SPAG16: variants seen among roughly 807,000 people sequenced by gnomAD.
SPAG16 encodes the protein sperm associated antigen 16.
In SPAG16, 86 loss-of-function variants were observed where a neutral mutation model predicts 80.4. The observed-to-expected ratio is 1.07, with a 90% CI of 0.90 to 1.28. SPAG16 has a LOEUF of 1.28. Ranked by LOEUF, SPAG16 falls within the 50% of genes most tolerant of loss-of-function variation. SPAG16 has a pLI of 0.00. For synonymous variants in SPAG16, 294 were observed against 265.9 expected (o/e 1.11, Z -1.03); for missense variants, 870 against 765.3 (o/e 1.14, Z -1.61).
intron 9 of SPAG16, among the ~76,000 whole-genome samples, chr2:213,436,368 C>A (rs1291944554): frequency 6.6e-6 from 1 of 152,102 alleles, no homozygotes; most frequent in Non-Finnish European, 1.5e-5. Context: ...ATTTGTTCCC[C>A]ATATGGCAAG....
intron 15 of SPAG16, among the ~76,000 whole-genome samples, chr2:214,387,592 C>T (rs752968302): frequency 1.2e-4 from 18 of 152,236 alleles, no homozygotes; most frequent in African/African-American, 3.1e-4. Context: ...TCCATCCTCA[C>T]GCTGCTAATA....
chr2:213,463,016 C>T (rs960706203), intron 9 of SPAG16, among the ~76,000 whole-genome samples: 9 of 152,132 alleles, frequency 5.9e-5, no homozygotes, highest in African/African-American at 1.9e-4. Flanking sequence ...ATGGCTTTGA[C>T]CAAAATGCTG....
At chr2:214,312,810 A>C (rs1313637752) in intron 15 of SPAG16, among the ~76,000 whole-genome samples, 1 of 152,184 alleles carries the variant, frequency 6.6e-6, no homozygotes, top group Non-Finnish European at 1.5e-5. Context: ...AGTCTCATAC[A>C]GTGTAATATA....
intron 1 of SPAG16, among the ~76,000 whole-genome samples, chr2:213,290,478 G>T (rs796181964): frequency 3.7e-4 from 57 of 152,292 alleles, no homozygotes; most frequent in African/African-American, 1.4e-3. Context: ...GTGCAGATAG[G>T]TAAGAACCAG....
At chr2:214,094,876 CCAGG>C (rs1382651703) in intron 13 of SPAG16, among the ~76,000 whole-genome samples, 2 of 151,932 alleles carry the variant, frequency 1.3e-5, no homozygotes, top group Admixed American at 1.3e-4. Context: ...AAACTACGTC[CCAGG>C]TGCATCATCC....
At chr2:214,355,218 A>G (rs1435282060) in intron 15 of SPAG16, among the ~76,000 whole-genome samples, 1 of 147,532 alleles carries the variant, frequency 6.8e-6, no homozygotes, top group African/African-American at 2.4e-5. Flanking sequence ...AGAAACTACC[A>G]TCAGAGTGAA....
chr2:213,976,284 G>A (rs2106398022), intron 12 of SPAG16, among the ~76,000 whole-genome samples: 1 of 150,948 alleles, frequency 6.6e-6, no homozygotes, highest in South Asian at 2.1e-4. Flanking sequence ...GCGTACACAT[G>A]TGTGCACATA....
Position 213,883,012 on chromosome 2 carries a change from C to A in SPAG16, c.1214+20384C>A, listed in dbSNP as rs2076407087. ...TCCCGAGTAGCTGGGACTACAGGCA[C>A]CCACCACCACACCCGGCTAATTTTT... is the stretch of plus-strand genomic sequence containing the variant. On this transcript the variant is annotated intron_variant, in intron 11 of 15. Coordinates refer to ENST00000331683, the MANE Select transcript of SPAG16 (RefSeq NM_024532.5). Among the ~76,000 whole-genome samples, 3 of 152,144 alleles carry A rather than the reference C, an allele frequency of 2.0e-5. No individual in the cohort carries two copies. In the South Asian group the frequency reaches 6.2e-4, roughly 32 times the overall value.
At chr2:213,520,637 T>C (rs1212885256) in intron 10 of SPAG16, among the ~76,000 whole-genome samples, 1 of 152,142 alleles carries the variant, frequency 6.6e-6, no homozygotes, top group Non-Finnish European at 1.5e-5. Context: ...CCATCCAACT[T>C]GTATTACTCT....
intron 10 of SPAG16, among the ~76,000 whole-genome samples, chr2:213,543,632 G>A (rs1158823889): frequency 2.0e-5 from 3 of 151,712 alleles, no homozygotes; most frequent in East Asian, 1.9e-4. Context: ...GTAATTTTCC[G>A]AGATCTCTAT....
At chr2:214,384,138 T>C (rs1293477660) in intron 15 of SPAG16, among the ~76,000 whole-genome samples, 1 of 152,218 alleles carries the variant, frequency 6.6e-6, no homozygotes, top group Non-Finnish European at 1.5e-5. Flanking sequence ...ATATACCTAT[T>C]AAAACACTTA....
At chr2:214,275,676 G>GTTCT (rs758750652) in intron 15 of SPAG16, among the ~76,000 whole-genome samples, 3 of 152,120 alleles carry the variant, frequency 2.0e-5, no homozygotes, top group Non-Finnish European at 4.4e-5. Context: ...TGTGATTTCT[G>GTTCT]TTCTTTTACA....
chr2:214,013,053 A>G (rs2047395826), intron 12 of SPAG16, among the ~76,000 whole-genome samples: 2 of 152,206 alleles, frequency 1.3e-5, no homozygotes, highest in Admixed American at 1.3e-4. Context: ...CACTGGGTTT[A>G]AATTCTCAGC....
At chr2:213,335,850 T>TA (rs952985229) in intron 5 of SPAG16, among the ~76,000 whole-genome samples, 3 of 151,878 alleles carry the variant, frequency 2.0e-5, no homozygotes, top group South Asian at 4.2e-4. Context: ...AGGTCATTTT[T>TA]AAAAAAATAG....
intron 10 of SPAG16, among the ~76,000 whole-genome samples, chr2:213,779,033 C>T (rs1049110121): frequency 3.3e-5 from 5 of 152,186 alleles, no homozygotes; most frequent in Non-Finnish European, 5.9e-5. Flanking sequence ...AGTGAAGTTA[C>T]TCAACTTCCC....
intron 9 of SPAG16, among the ~76,000 whole-genome samples, chr2:213,429,636 C>A (rs547539141): frequency 1.3e-5 from 2 of 152,310 alleles, no homozygotes; most frequent in East Asian, 1.9e-4. Context: ...TTCCATGACA[C>A]CTCAGCTTCT....
At chr2:213,500,835 G>A (rs2125774512) in intron 10 of SPAG16, among the ~76,000 whole-genome samples, 1 of 152,352 alleles carries the variant, frequency 6.6e-6, no homozygotes, top group Middle Eastern at 3.4e-3. Context: ...GCCCGAGCAA[G>A]GACTTGGGCC....
chr2:214,154,623 A>G (rs1475058693), intron 15 of SPAG16, among the ~76,000 whole-genome samples: 2 of 151,856 alleles, frequency 1.3e-5, no homozygotes, highest in African/African-American at 4.8e-5. Flanking sequence ...GGAAATTTGC[A>G]GTTAATTCCC....
At chr2:213,376,893 G>A (rs545593820) in intron 9 of SPAG16, among the ~76,000 whole-genome samples, 4 of 152,266 alleles carry the variant, frequency 2.6e-5, no homozygotes, top group African/African-American at 9.6e-5. Flanking sequence ...AATACCTGAA[G>A]TGCATAGGAC....
Sources: gnomAD v4.1 joint callset for allele counts (sites outside exome capture counted in the v4.1 genomes callset) on GRCh38, gnomAD v4.1.1 for gene constraint, MANE v1.5 for transcripts, NCBI Gene and HGNC (gene_info 2026-07-23, HGNC 2026-07-21) for gene names.